Variants in TSPAN11 observed in about 807,000 individuals in gnomAD.
TSPAN11 encodes tetraspanin-11.
TSPAN11 carries 29 observed loss-of-function variants against 32.9 expected under a neutral mutation model. The observed-to-expected ratio is 0.88, with a 90% CI of 0.66 to 1.20. The LOEUF (loss-of-function observed/expected upper bound fraction) is 1.20. Among genes scored for constraint, TSPAN11 ranks in the 50% most tolerant of loss-of-function variants. TSPAN11 has a pLI of 0.00. For missense variants in TSPAN11, 283 were observed against 329.1 expected (o/e 0.86, Z 1.08); for synonymous variants, 140 against 141.3 (o/e 0.99, Z 0.07).
Position 30,992,064 on chromosome 12 carries a change from A to G in TSPAN11, c.*149A>G. 1.3e-6 allele frequency: 1 copy of G among 760,042 alleles called. No homozygotes were observed. Among genetic ancestry groups the G allele is most frequent in the Non-Finnish European group, 2.0e-6 (1 of 504,814 alleles). 47.1% of individuals were successfully genotyped at this position (760,042 alleles called of 1,614,324 possible). On this transcript the variant is annotated 3_prime_UTR_variant, in exon 8 of 8. Transcript: ENST00000546076. The stretch of plus-strand genomic sequence containing the variant: ...CTCCTGCGAATCCACCGAGTGCCTG[A>G]GACCATAGCTTCTGTGCCCACCCAG...
In TSPAN11 at chr12:30,975,232, G is replaced by A. The variant is rs1408337335; in HGVS notation, c.277-3329G>A. Among the ~76,000 whole-genome samples, 2 of 152,174 alleles carry A rather than the reference G, an allele frequency of 1.3e-5. No homozygotes were observed. Among genetic ancestry groups the A allele is most frequent in the Non-Finnish European group, 2.9e-5 (2 of 68,022 alleles). ...GTGGAGGGGCAGAGGTGACAGGTCTGTCAGAGCCCATGACCTCACCCGGCT... is the reference window on the plus strand; with the variant it reads ...GTGGAGGGGCAGAGGTGACAGGTCTATCAGAGCCCATGACCTCACCCGGCT... On this transcript the variant is annotated intron_variant, in intron 3 of 7. Coordinates refer to ENST00000546076, the MANE Select transcript of TSPAN11 (RefSeq NM_001370302.1). The surrounding 1 kb of genome is among the most constrained non-coding windows in gnomAD (Gnocchi z 4.5).
At chr12:30,983,205 A>G (rs1389041740) in intron 7 of TSPAN11, 55 bp downstream of exon 7, 10 of 1,531,770 alleles carry the variant, frequency 6.5e-6, no homozygotes, top group Non-Finnish European at 8.8e-6. Context: ...CCCCTCTCCC[A>G]TTGACACAGG....
intron 7 of TSPAN11, among the ~76,000 whole-genome samples, chr12:30,989,647 T>C (rs1214833099): frequency 6.6e-6 from 1 of 152,136 alleles, no homozygotes; most frequent in South Asian, 2.1e-4. Context: ...ACCTCCAACA[T>C]GCTCAGCTTG....
the TSPAN11 span, among the ~76,000 whole-genome samples, chr12:31,014,486 C>G: frequency 6.6e-6 from 1 of 152,172 alleles, no homozygotes; most frequent in South Asian, 2.1e-4. Context: ...AACATTGAAA[C>G]CCTAGTTGAG....
rs901741663 is a variant in TSPAN11 at position 30,961,027 on chromosome 12, A to G, written c.85-2799A>G. Among the ~76,000 whole-genome samples, 74 of 98,466 alleles carry G rather than the reference A, an allele frequency of 7.5e-4. 2 individuals are homozygous for G. Among genetic ancestry groups the G allele is most frequent in the African/African-American group, 2.6e-3 (73 of 27,684 alleles). The allele number at this position is 98,466 out of a possible 152,430, so 64.6% of individuals were successfully genotyped here. Reference sequence around the variant, plus strand: ...GTACTCCAGACTAGGCGACAGAGCGAGGAAAAAAAAAAAAAAGAAAAATGT... The same window carrying G: ...GTACTCCAGACTAGGCGACAGAGCGGGGAAAAAAAAAAAAAAGAAAAATGT... On this transcript the variant is annotated intron_variant, in intron 2 of 7. Transcript: ENST00000546076.
chr12:30,969,377 C>T (rs1938802587), intron 3 of TSPAN11, among the ~76,000 whole-genome samples: 1 of 152,218 alleles, frequency 6.6e-6, no homozygotes, highest in African/African-American at 2.4e-5. Flanking sequence ...ACCTTTGAGT[C>T]AGCTGCCCCC....
At position 30,975,468 on chromosome 12, in the gene TSPAN11, G is replaced by A. The variant is rs1033151441; in HGVS notation, c.277-3093G>A. Among the ~76,000 whole-genome samples the A allele has an allele frequency of 3.3e-5, 5 of 152,122 alleles. 1 individual carries two copies. The highest frequency in any genetic ancestry group is 4.4e-5 in the Non-Finnish European group (3 of 67,976). ...CAGGCATCTTAACACACTGGAGCTC[G>A]AGAAGGCTATCCCCACACACCACCG... On this transcript the variant is annotated intron_variant, in intron 3 of 7. Transcript: ENST00000546076. The surrounding 1 kb of genome is among the most constrained non-coding windows in gnomAD (Gnocchi z 4.5).
chr12:30,945,776 C>T (rs1938253893), intron 1 of TSPAN11, among the ~76,000 whole-genome samples: 2 of 152,140 alleles, frequency 1.3e-5, no homozygotes, highest in Non-Finnish European at 2.9e-5. Context: ...AAATCCATCA[C>T]CTCACCATCA....
chr12:30,945,834 T>C (rs7297452), intron 1 of TSPAN11, among the ~76,000 whole-genome samples: 15,318 of 152,046 alleles, frequency 0.1, 2,127 homozygotes, highest in African/African-American at 0.31. Context: ...GTGGGTCCTG[T>C]CTATGACATT....
chr12:30,935,348 G>A (rs914554474), intron 1 of TSPAN11, among the ~76,000 whole-genome samples: 1 of 150,222 alleles, frequency 6.7e-6, no homozygotes, highest in Non-Finnish European at 1.5e-5. Flanking sequence ...AGGGAGCAGT[G>A]AGTATGTTAG....
chr12:30,988,727 G>C (rs35079), intron 7 of TSPAN11: 51,385 of 151,966 alleles, frequency 0.34, 9,003 homozygotes, highest in East Asian at 0.6. Flanking sequence ...ATACATTCGG[G>C]GTTCAGAGTC....
chr12:30,982,904 C>A (rs1939123725), intron 6 of TSPAN11, among the ~76,000 whole-genome samples, 160 bp from the exon 7 acceptor site: 1 of 152,206 alleles, frequency 6.6e-6, no homozygotes, highest in Non-Finnish European at 1.5e-5. Flanking sequence ...CATGGCATGC[C>A]CCTGGGGCCA....
At chr12:30,965,277 G>A (rs988029763) in intron 3 of TSPAN11, among the ~76,000 whole-genome samples, 2 of 152,160 alleles carry the variant, frequency 1.3e-5, no homozygotes, top group Non-Finnish European at 2.9e-5. Context: ...TAGCAAGCAG[G>A]GCCTTCAGCC....
intron 3 of TSPAN11, among the ~76,000 whole-genome samples, chr12:30,977,132 C>A (rs1033909016): frequency 2.6e-5 from 4 of 152,224 alleles, no homozygotes; most frequent in African/African-American, 9.6e-5. Flanking sequence ...GACCACAGTT[C>A]TTTTCCTGTG....
chr12:30,948,476 C>A (rs940784667), intron 1 of TSPAN11, among the ~76,000 whole-genome samples: 2 of 152,224 alleles, frequency 1.3e-5, no homozygotes, highest in Non-Finnish European at 2.9e-5. Flanking sequence ...AACCTCAGTT[C>A]TTGACTTCTG....
rs1695805555 is a variant in TSPAN11 at position 30,992,280 on chromosome 12, C to G, written c.*365C>G. The G allele has an allele frequency of 3.1e-6, 1 of 321,070 alleles. No individual in the cohort carries two copies. 19.9% of individuals were successfully genotyped at this position (321,070 alleles called of 1,614,324 possible). On this transcript the variant is annotated 3_prime_UTR_variant, in exon 8 of 8. Coordinates refer to ENST00000546076, the MANE Select transcript of TSPAN11 (RefSeq NM_001370302.1). ...GAACCTGGAACAATCGGCAGAAAAC[C>G]CAGGAACCCCGGCACTCCTGCATTC...
intron 1 of TSPAN11, among the ~76,000 whole-genome samples, 157 bp from the exon 2 acceptor site, chr12:30,953,824 A>G (rs1412139349): frequency 2.0e-5 from 3 of 152,078 alleles, no homozygotes; most frequent in African/African-American, 7.2e-5. Flanking sequence ...AGCAATTCCC[A>G]CATCTTTGCT....
At chr12:30,939,721 C>T (rs1003995546) in intron 1 of TSPAN11, among the ~76,000 whole-genome samples, 7 of 152,086 alleles carry the variant, frequency 4.6e-5, no homozygotes, top group Middle Eastern at 3.4e-3. Flanking sequence ...AAAAAGAGGG[C>T]GAAGGGTTAG....
At chr12:30,931,079 C>G (rs1422856972) in intron 1 of TSPAN11, among the ~76,000 whole-genome samples, 1 of 152,124 alleles carries the variant, frequency 6.6e-6, no homozygotes, top group African/African-American at 2.4e-5. Flanking sequence ...GGGGACCCTC[C>G]TTGATGGTAG....
Sources: allele counts gnomAD v4.1 joint callset (sites outside exome capture counted in the v4.1 genomes callset), GRCh38; gene constraint gnomAD v4.1.1; non-coding constraint Gnocchi (gnomAD v3.1); transcripts MANE v1.5; gene names NCBI Gene and HGNC (gene_info 2026-07-23, HGNC 2026-07-21).